DNAJC1: variants seen among roughly 807,000 people sequenced by gnomAD.
DNAJC1 encodes dnaJ homolog subfamily C member 1.
In DNAJC1, 58 loss-of-function variants were observed where a neutral mutation model predicts 76.6. That is an observed-to-expected ratio of 0.76 (90% CI 0.61 to 0.94). The LOEUF (loss-of-function observed/expected upper bound fraction) is 0.94. DNAJC1 is among the 40% of genes least tolerant of loss of function. DNAJC1 has a pLI of 0.00. For missense variants in DNAJC1, 689 were observed against 677.3 expected (o/e 1.02, Z -0.19); for synonymous variants, 258 against 267.9 (o/e 0.96, Z 0.36).
At chr10:21,867,018 G>A (rs1836012069) in intron 8 of DNAJC1, among the ~76,000 whole-genome samples, 1 of 152,076 alleles carries the variant, frequency 6.6e-6, no homozygotes, top group African/African-American at 2.4e-5. Context: ...AGCTAATGCT[G>A]ATCCTAGAGG....
intron 1 of DNAJC1, among the ~76,000 whole-genome samples, chr10:21,930,227 C>T (rs1404069740): frequency 2.0e-5 from 3 of 152,204 alleles, no homozygotes; most frequent in African/African-American, 4.8e-5. Context: ...CCAACAGCCT[C>T]GGCCTCCCAA....
chr10:21,807,539 T>C (rs1006507276), intron 8 of DNAJC1, among the ~76,000 whole-genome samples: 1 of 152,232 alleles, frequency 6.6e-6, no homozygotes, highest in African/African-American at 2.4e-5. Flanking sequence ...GGCTCTCCCA[T>C]TTGCATTCAT....
chr10:21,926,557 G>C (rs1488816234), intron 3 of DNAJC1, among the ~76,000 whole-genome samples: 1 of 152,036 alleles, frequency 6.6e-6, no homozygotes, highest in Admixed American at 6.6e-5. Flanking sequence ...AATGCTGACT[G>C]TGCTCTTTTT....
chr10:21,827,506 G>C (rs1023552217), intron 8 of DNAJC1, among the ~76,000 whole-genome samples: 1 of 152,146 alleles, frequency 6.6e-6, no homozygotes, highest in Non-Finnish European at 1.5e-5. Flanking sequence ...TTTTGGCAGG[G>C]TTAGTTCCTT....
intron 1 of DNAJC1, among the ~76,000 whole-genome samples, chr10:21,970,887 T>A (rs368971325): frequency 1.3e-5 from 2 of 152,122 alleles, no homozygotes; most frequent in East Asian, 3.9e-4. Context: ...TTTTGAAATA[T>A]ACCTTCTAAA....
At chr10:21,957,839 T>C (rs559223991) in intron 1 of DNAJC1, among the ~76,000 whole-genome samples, 5 of 152,342 alleles carry the variant, frequency 3.3e-5, no homozygotes, top group South Asian at 2.1e-4. Context: ...TACTTTCATA[T>C]ATGTGTACAT....
intron 8 of DNAJC1, among the ~76,000 whole-genome samples, chr10:21,839,645 G>A (rs189128436): frequency 2.2e-3 from 335 of 152,312 alleles, no homozygotes; most frequent in Non-Finnish European, 3.6e-3. Context: ...GGACTAGATG[G>A]ATTCACAGCC....
intron 8 of DNAJC1, among the ~76,000 whole-genome samples, chr10:21,836,074 G>C (rs1835448152): frequency 6.6e-6 from 1 of 152,316 alleles, no homozygotes; most frequent in Admixed American, 6.5e-5. Context: ...GGCAGCCAGA[G>C]AGAAAGGTCG....
At chr10:21,938,705 A>C (rs1417120568) in intron 1 of DNAJC1, among the ~76,000 whole-genome samples, 2 of 152,218 alleles carry the variant, frequency 1.3e-5, no homozygotes, top group Non-Finnish European at 2.9e-5. Context: ...CCCTGATTTT[A>C]ATCAATGGAT....
At chr10:21,896,516 AG>A (rs1836545738) in intron 7 of DNAJC1, among the ~76,000 whole-genome samples, 1 of 152,154 alleles carries the variant, frequency 6.6e-6, no homozygotes, top group African/African-American at 2.4e-5. Flanking sequence ...ATAATGTGGA[AG>A]CATAGAAACT....
At chr10:21,775,086 T>C (rs1418592154) in intron 9 of DNAJC1, among the ~76,000 whole-genome samples, 1 of 152,154 alleles carries the variant, frequency 6.6e-6, no homozygotes, top group African/African-American at 2.4e-5. Flanking sequence ...ATAATCTGAG[T>C]CCTTCAGATC....
At chr10:21,946,793 A>G (rs1837512765) in intron 1 of DNAJC1, among the ~76,000 whole-genome samples, 1 of 152,214 alleles carries the variant, frequency 6.6e-6, no homozygotes, top group African/African-American at 2.4e-5. Flanking sequence ...GTATCTATCA[A>G]TAAAATGGGA....
chr10:21,898,815 G>A (rs559364660), intron 7 of DNAJC1, among the ~76,000 whole-genome samples: 2 of 150,386 alleles, frequency 1.3e-5, no homozygotes, highest in East Asian at 3.9e-4. Flanking sequence ...CATTACTTTA[G>A]AGAGTATTCC....
chr10:21,779,943 T>A (rs1834505547), intron 9 of DNAJC1, among the ~76,000 whole-genome samples: 1 of 152,132 alleles, frequency 6.6e-6, no homozygotes, highest in Non-Finnish European at 1.5e-5. Context: ...AACTACGTGA[T>A]GCATGCACAA....
intron 7 of DNAJC1, among the ~76,000 whole-genome samples, chr10:21,889,774 G>C (rs1004631197): frequency 2.6e-5 from 4 of 152,104 alleles, no homozygotes; most frequent in South Asian, 2.1e-4. Context: ...CTAGCTAAAG[G>C]GTCAAAAAAG....
chr10:21,824,862 T>C (rs1835221324), intron 8 of DNAJC1, among the ~76,000 whole-genome samples: 3 of 152,260 alleles, frequency 2.0e-5, no homozygotes, highest in Admixed American at 6.5e-5. Flanking sequence ...CAACCTCTGC[T>C]TCCTGGATTC....
chr10:21,871,285 T>C (rs1170760487), intron 8 of DNAJC1, among the ~76,000 whole-genome samples: 1 of 150,048 alleles, frequency 6.7e-6, no homozygotes, highest in African/African-American at 2.5e-5. Flanking sequence ...AGGAAAGTTC[T>C]GAGAAGGCGC....
chr10:21,887,438 T>C (rs1836385313), intron 7 of DNAJC1, among the ~76,000 whole-genome samples: 1 of 152,036 alleles, frequency 6.6e-6, no homozygotes. Flanking sequence ...AAGACAATCC[T>C]AAGCAAAAAA....
At chr10:21,967,205 C>T (rs1837907992) in intron 1 of DNAJC1, among the ~76,000 whole-genome samples, 1 of 152,088 alleles carries the variant, frequency 6.6e-6, no homozygotes, top group Admixed American at 6.5e-5. Context: ...TGCAGTCAAT[C>T]CCGGTTCCAA....
Sources: allele counts gnomAD v4.1 joint callset (sites outside exome capture counted in the v4.1 genomes callset), GRCh38; gene constraint gnomAD v4.1.1; transcripts MANE v1.5; gene names NCBI Gene and HGNC (gene_info 2026-07-23, HGNC 2026-07-21).